TYR: variants seen among roughly 807,000 people sequenced by gnomAD.
TYR encodes the protein tyrosinase.
TYR carries 58 observed loss-of-function variants against 51.5 expected under a neutral mutation model. The ratio of observed to expected loss-of-function variants is 1.13; its 90% CI spans 0.91 to 1.40. TYR has a LOEUF of 1.40. TYR is among the 40% of genes most tolerant of loss of function. The pLI is 0.00. For missense variants in TYR, 732 were observed against 647.4 expected (o/e 1.13, Z -1.42); for synonymous variants, 263 against 235.2 (o/e 1.12, Z -1.08).
At chr11:89,245,920 CA>C (rs58642362) in intron 3 of TYR, among the ~76,000 whole-genome samples, 68,546 of 143,140 alleles carry the variant, frequency 0.48, 16,238 homozygotes, top group Middle Eastern at 0.6. Flanking sequence ...GACTCCATCT[CA>C]AAAAAAAAAA....
intron 3 of TYR, among the ~76,000 whole-genome samples, chr11:89,262,847 C>CAAAAAAAAAAAAAAAAAAAAAAAAAAA (rs771958187): frequency 1.5e-3 from 28 of 19,298 alleles, no homozygotes; most frequent in Non-Finnish European, 1.6e-3. Context: ...GCTACTCATC[C>CAAAAAAAAAAAAAAAAAAAAAAAAAAA]AAAAAAAAAA....
In TYR at chr11:89,227,804, A is replaced by T. The variant is rs527352749; in HGVS notation, c.1037-19A>T. 174 of 1,527,472 alleles carry T rather than the reference A, an allele frequency of 1.1e-4. No individual in the cohort carries two copies. Among genetic ancestry groups the T allele is most frequent in the Admixed American group, 3.0e-4 (17 of 57,458 alleles). 94.6% of individuals were successfully genotyped at this position (1,527,472 alleles called of 1,614,324 possible). On this transcript the variant is annotated intron_variant, in intron 2 of 4. Transcript: ENST00000263321. ...TCATTAAAGTAAACATATTTTTTTC[A>T]TTTTTTTTTAATGAACAGGATTTGC...
At chr11:89,242,591 C>G (rs780581337) in intron 3 of TYR, among the ~76,000 whole-genome samples, 6 of 152,188 alleles carry the variant, frequency 3.9e-5, no homozygotes, top group Admixed American at 6.5e-5. Flanking sequence ...TGGAGATAAA[C>G]TAGAGAGCTC....
chr11:89,281,027 A>C (rs1425781760), intron 3 of TYR, among the ~76,000 whole-genome samples: 4 of 151,718 alleles, frequency 2.6e-5, no homozygotes, highest in Admixed American at 2.6e-4. Flanking sequence ...GGATGCTGGT[A>C]AAGTATGAGA....
intron 1 of TYR, among the ~76,000 whole-genome samples, chr11:89,190,979 C>G (rs992263640): frequency 2.0e-5 from 3 of 152,154 alleles, no homozygotes; most frequent in Admixed American, 2.0e-4. Flanking sequence ...TAGGCTATAC[C>G]ATTCTAGGTT....
At chr11:89,276,343 TAGTC>T (rs1198038439) in intron 3 of TYR, among the ~76,000 whole-genome samples, 2 of 151,760 alleles carry the variant, frequency 1.3e-5, no homozygotes, top group Non-Finnish European at 1.5e-5. Context: ...GCTTAAAACT[TAGTC>T]AGAAAGTAAC....
At chr11:89,192,333 A>G (rs1943457669) in intron 2 of TYR, among the ~76,000 whole-genome samples, 1 of 152,106 alleles carries the variant, frequency 6.6e-6, no homozygotes, top group African/African-American at 2.4e-5. Flanking sequence ...AAACTCAATC[A>G]AGTCACAAAT....
chr11:89,178,666 G>C lies in TYR; in HGVS notation c.713G>C (p.Trp238Ser). ...DENFTIPYWD[W>S]RDAEKCDICT... is the part of the protein sequence containing the mutation. ...AACTTCACTATTCCATATTGGGACT[G>C]GCGGGATGCAGAAAAGTGTGACATT... The change falls in exon 1 of 5, where the codon TGG (tryptophan) becomes TCG (serine). Residue 238 changes from tryptophan to serine, a missense_variant. Physicochemically the swap from Trp to Ser is radical, Grantham distance 177 (BLOSUM62 -3). Transcript: ENST00000263321. 1 of 1,613,690 alleles carries C rather than the reference G, an allele frequency of 6.2e-7. No homozygotes were observed. The highest frequency in any genetic ancestry group is 8.5e-7 in the Non-Finnish European group (1 of 1,179,718).
rs62645920 is a variant in TYR, at chr11:89,284,799, A to C, written c.1211A>C (p.His404Pro). ...ATTTTTGAGCAGTGGCTCCGAAGGC[A>C]CCGTCCTCTTCAAGAAGTTTATCCA... Reference protein sequence around the residue: ...DSIFEQWLRRHRPLQEVYPEA... With the variant: ...DSIFEQWLRRPRPLQEVYPEA... Residue 404 changes from histidine (H) to proline (P), a missense_variant, in exon 4 of 5, where the codon CAC (histidine) becomes CCC (proline). By Grantham distance (77) the His-to-Pro change is moderately conservative. Coordinates refer to ENST00000263321, the MANE Select transcript of TYR (RefSeq NM_000372.5). The C allele has an allele frequency of 6.2e-7, 1 of 1,611,740 alleles. No individual in the cohort carries two copies. Among genetic ancestry groups the C allele is most frequent in the Non-Finnish European group, 8.5e-7 (1 of 1,178,440 alleles).
chr11:89,280,507 T>G (rs1332508240), intron 3 of TYR, among the ~76,000 whole-genome samples: 1 of 151,534 alleles, frequency 6.6e-6, no homozygotes, highest in African/African-American at 2.4e-5. Context: ...TCCGTCTTTC[T>G]GCTTACATTA....
intron 3 of TYR, among the ~76,000 whole-genome samples, chr11:89,237,866 C>T (rs1944139301): frequency 6.6e-6 from 1 of 151,864 alleles, no homozygotes; most frequent in Admixed American, 6.6e-5. Flanking sequence ...GACAGAGTCT[C>T]ACTCTGTCAC....
intron 4 of TYR, 62 bp from the exon 5 acceptor site, chr11:89,295,081 G>A: frequency 6.3e-7 from 1 of 1,595,732 alleles, no homozygotes; most frequent in African/African-American, 1.3e-5. Context: ...AAAGGATGAA[G>A]ATGATGGTGA....
chr11:89,241,507 C>A, intron 3 of TYR, among the ~76,000 whole-genome samples: 1 of 151,904 alleles, frequency 6.6e-6, no homozygotes, highest in African/African-American at 2.4e-5. Context: ...TATATTCAAT[C>A]ATTCATTCAT....
chr11:89,257,548 C>G (rs543456798), intron 3 of TYR, among the ~76,000 whole-genome samples: 1 of 151,766 alleles, frequency 6.6e-6, no homozygotes, highest in Non-Finnish European at 1.5e-5. Flanking sequence ...GATTAAATAT[C>G]GTTGATCACA....
chr11:89,242,882 G>A (rs1944217596), intron 3 of TYR, among the ~76,000 whole-genome samples: 1 of 152,114 alleles, frequency 6.6e-6, no homozygotes, highest in Admixed American at 6.5e-5. Flanking sequence ...AGCATAGTGT[G>A]GTAATGAATT....
intron 2 of TYR, among the ~76,000 whole-genome samples, chr11:89,221,462 T>C (rs953736109): frequency 1.3e-5 from 2 of 152,200 alleles, no homozygotes; most frequent in Admixed American, 6.5e-5. Flanking sequence ...AAACTGGAAG[T>C]TGGTTGAAAG....
At chr11:89,257,044 G>A (rs560962206) in intron 3 of TYR, among the ~76,000 whole-genome samples, 2 of 152,034 alleles carry the variant, frequency 1.3e-5, no homozygotes, top group East Asian at 3.9e-4. Context: ...AAGAAAGCTA[G>A]AAGCTAGACT....
chr11:89,277,969 C>T (rs908746853), intron 3 of TYR, among the ~76,000 whole-genome samples: 3 of 151,604 alleles, frequency 2.0e-5, no homozygotes, highest in African/African-American at 7.3e-5. Flanking sequence ...AGGAAAAAAA[C>T]ACAAATCTCC....
intron 3 of TYR, among the ~76,000 whole-genome samples, chr11:89,232,415 A>G (rs1478438054): frequency 7.0e-6 from 1 of 143,718 alleles, no homozygotes; most frequent in East Asian, 2.0e-4. Flanking sequence ...ATGTAGCTGT[A>G]GGCCATAATC....
Sources: allele counts gnomAD v4.1 joint callset (sites outside exome capture counted in the v4.1 genomes callset), GRCh38; gene constraint gnomAD v4.1.1; transcripts MANE v1.5; gene names NCBI Gene and HGNC (gene_info 2026-07-23, HGNC 2026-07-21).